Variants in C1orf87 observed in about 807,000 individuals in gnomAD.
C1orf87 encodes the protein uncharacterized protein C1orf87.
In C1orf87, 58 loss-of-function variants were observed where a neutral mutation model predicts 60.5. That is an observed-to-expected ratio of 0.96 (90% CI 0.78 to 1.19). The LOEUF (loss-of-function observed/expected upper bound fraction) is 1.19. Among genes scored for constraint, C1orf87 ranks in the 50% most tolerant of loss-of-function variants. C1orf87 has a pLI of 0.00. For synonymous variants in C1orf87, 236 were observed against 227.4 expected (o/e 1.04, Z -0.34); for missense variants, 673 against 638.6 (o/e 1.05, Z -0.58).
intron 6 of C1orf87, 80 bp downstream of exon 6, chr1:60,037,912 G>A (rs997954728): frequency 1.2e-6 from 1 of 849,176 alleles, no homozygotes; most frequent in African/African-American, 1.7e-5. Context: ...AAGCCACCCA[G>A]TTTATGGTAC....
intron 6 of C1orf87, among the ~76,000 whole-genome samples, chr1:60,034,094 GACA>G (rs1645258278): frequency 6.6e-6 from 1 of 152,128 alleles, no homozygotes; most frequent in Non-Finnish European, 1.5e-5. Context: ...CCCATACCAA[GACA>G]GCCTAGTTCC....
rs554450109 is a variant in C1orf87 at position 59,992,078 on chromosome 1, CA to C, written c.1481-1246del. ...CCAGGAACTGCTCCAAGCATTTCAC[CA>C]ATATTAACTAATTGAATCCTTACAA... On this transcript the variant is annotated intron_variant, in intron 11 of 11. Transcript: ENST00000371201. Among the ~76,000 whole-genome samples, 246 of 151,858 alleles carry C rather than the reference CA, an allele frequency of 1.6e-3. 1 individual carries two copies. Among genetic ancestry groups the C allele is most frequent in the African/African-American group, 5.6e-3 (233 of 41,432 alleles).
chr1:60,033,194 T>G (rs1421681732), intron 7 of C1orf87, among the ~76,000 whole-genome samples: 2 of 152,022 alleles, frequency 1.3e-5, no homozygotes, highest in African/African-American at 4.8e-5. Flanking sequence ...CTTGCAAAAA[T>G]AGTTGTTTTC....
At chr1:59,991,053 A>G (rs940437113) in intron 11 of C1orf87, among the ~76,000 whole-genome samples, 1 of 152,238 alleles carries the variant, frequency 6.6e-6, no homozygotes, top group African/African-American at 2.4e-5. Context: ...CAGGGGAAAG[A>G]GAACAAGATG....
intron 8 of C1orf87, among the ~76,000 whole-genome samples, chr1:60,019,458 C>A (rs934636822): frequency 6.6e-6 from 1 of 152,090 alleles, no homozygotes; most frequent in Non-Finnish European, 1.5e-5. Context: ...CAGACTGATA[C>A]AGAAAATTGG....
At chr1:60,050,128 T>A (rs769160805) in intron 3 of C1orf87, among the ~76,000 whole-genome samples, 4 of 152,218 alleles carry the variant, frequency 2.6e-5, no homozygotes, top group Middle Eastern at 3.4e-3. Context: ...GCTAATCAAT[T>A]TGGCTAGTTG....
Position 60,019,220 on chromosome 1 carries a change from A to C in C1orf87, c.1127+6181T>G, listed in dbSNP as rs1312473213. On this transcript the variant is annotated intron_variant, in intron 8 of 11. Coordinates refer to ENST00000371201, the MANE Select transcript of C1orf87 (RefSeq NM_152377.3). ...TGCTGTTCTCATGATAGTTTTCACG[A>C]GATCTGATAGTTTAAAAGTGTGGCA... Among the ~76,000 whole-genome samples the C allele has an allele frequency of 2.0e-5, 3 of 152,232 alleles. No homozygotes were observed. The East Asian group carries it at 5.8e-4, about 29-fold the overall frequency.
At chr1:60,042,692 C>A (rs1645334959) in intron 3 of C1orf87, among the ~76,000 whole-genome samples, 1 of 152,200 alleles carries the variant, frequency 6.6e-6, no homozygotes, top group Non-Finnish European at 1.5e-5. Context: ...TACTAGCAAC[C>A]TTTTACATTT....
chr1:60,050,687 G>A (rs991978274), intron 3 of C1orf87, among the ~76,000 whole-genome samples: 10 of 151,836 alleles, frequency 6.6e-5, no homozygotes, highest in Admixed American at 1.3e-4. Context: ...AAAAGCCAGC[G>A]GAGACAGTGG....
At chr1:60,060,412 C>T (rs1331801980) in intron 2 of C1orf87, among the ~76,000 whole-genome samples, 5 of 152,150 alleles carry the variant, frequency 3.3e-5, no homozygotes, top group African/African-American at 7.2e-5. Flanking sequence ...CACCAGACCT[C>T]GACAAATAGT....
At chr1:60,007,317 T>C (rs988578444) in intron 9 of C1orf87, among the ~76,000 whole-genome samples, 10 of 152,142 alleles carry the variant, frequency 6.6e-5, no homozygotes, top group African/African-American at 2.2e-4. Context: ...TCATCAGCAA[T>C]GTCTAATCTG....
intron 8 of C1orf87, 110 bp from the exon 9 acceptor site, chr1:60,010,566 T>A: frequency 1.1e-6 from 1 of 919,598 alleles, no homozygotes; most frequent in Non-Finnish European, 1.7e-6. Flanking sequence ...TTTTTGATAC[T>A]TCTATCATTT....
intron 4 of C1orf87, 50 bp from the exon 5 acceptor site, chr1:60,040,230 A>G (rs376277261): frequency 6.4e-7 from 1 of 1,566,118 alleles, no homozygotes; most frequent in African/African-American, 1.4e-5. Context: ...TCAGCCGGCT[A>G]AAGACCAAAG....
At chr1:60,003,914 AC>A (rs1440638157) in intron 9 of C1orf87, among the ~76,000 whole-genome samples, 3 of 152,012 alleles carry the variant, frequency 2.0e-5, no homozygotes, top group Non-Finnish European at 4.4e-5. Flanking sequence ...TATAGAGCAA[AC>A]CTTAATAGTG....
intron 2 of C1orf87, among the ~76,000 whole-genome samples, chr1:60,064,622 A>T (rs28787934): frequency 2.2e-5 from 2 of 89,928 alleles, no homozygotes; most frequent in African/African-American, 4.2e-5. Flanking sequence ...AAAATATATC[A>T]TATATATAAA....
intron 2 of C1orf87, among the ~76,000 whole-genome samples, chr1:60,063,988 C>T (rs565851701): frequency 1.8e-4 from 27 of 152,100 alleles, no homozygotes; most frequent in African/African-American, 5.8e-4. Flanking sequence ...GACCCACCCT[C>T]AATCTGGGTG....
intron 2 of C1orf87, among the ~76,000 whole-genome samples, chr1:60,056,988 T>C (rs1645461760): frequency 6.6e-6 from 1 of 152,186 alleles, no homozygotes; most frequent in African/African-American, 2.4e-5. Flanking sequence ...TGAATATATG[T>C]ATATTTTTAT....
chr1:60,003,354 GA>G (rs1645020801), intron 9 of C1orf87, among the ~76,000 whole-genome samples: 3 of 151,432 alleles, frequency 2.0e-5, no homozygotes, highest in Non-Finnish European at 2.9e-5. Flanking sequence ...ATAGCATCAG[GA>G]GATATACCTA....
intron 3 of C1orf87, among the ~76,000 whole-genome samples, chr1:60,053,914 A>G (rs778932725): frequency 1.1e-4 from 17 of 152,214 alleles, no homozygotes; most frequent in South Asian, 1.0e-3. Context: ...TAACAATGGT[A>G]TCTACCTCAC....
Sources: allele counts gnomAD v4.1 joint callset (sites outside exome capture counted in the v4.1 genomes callset), GRCh38; gene constraint gnomAD v4.1.1; transcripts MANE v1.5; gene names NCBI Gene and HGNC (gene_info 2026-07-23, HGNC 2026-07-21).